Variants in CRISPLD2 observed in about 807,000 individuals in gnomAD.
CRISPLD2 encodes the protein cysteine-rich secretory protein LCCL domain-containing 2.
CRISPLD2 carries 47 observed loss-of-function variants against 71.1 expected under a neutral mutation model. That is an observed-to-expected ratio of 0.66 (90% CI 0.52 to 0.84). CRISPLD2 has a LOEUF of 0.84. Ranked by LOEUF, CRISPLD2 falls within the 40% of genes least tolerant of loss-of-function variation. The probability of loss-of-function intolerance (pLI) is 0.00; values close to 1 mark genes in which losing one functional copy is unlikely to be tolerated. For synonymous variants in CRISPLD2, 317 were observed against 250.1 expected, an observed-to-expected ratio of 1.27 and a Z score of -2.52; for missense variants, 830 against 651.1, an observed-to-expected ratio of 1.27 and a Z score of -2.99.
At chr16:84,822,759 A>G (rs1315588024) in intron 1 of CRISPLD2, among the ~76,000 whole-genome samples, 1 of 152,120 alleles carries the variant, frequency 6.6e-6, no homozygotes, top group Non-Finnish European at 1.5e-5. Flanking sequence ...TCTTAAATAG[A>G]GCACGCTGAG....
intron 14 of CRISPLD2, among the ~76,000 whole-genome samples, chr16:84,891,620 C>T (rs192383369): frequency 1.4e-5 from 2 of 144,812 alleles, no homozygotes; most frequent in Non-Finnish European, 3.0e-5. Flanking sequence ...CTCTTTGTAC[C>T]CTCTTTGAGA....
chr16:84,853,176 C>T (rs982100521), intron 5 of CRISPLD2, among the ~76,000 whole-genome samples: 46 of 152,108 alleles, frequency 3.0e-4, no homozygotes, highest in Admixed American at 8.5e-4. Context: ...TGTGGTTTGT[C>T]TGAGGAAATA....
chr16:84,890,420 G>A (rs529640705), intron 14 of CRISPLD2, among the ~76,000 whole-genome samples: 18 of 152,008 alleles, frequency 1.2e-4, no homozygotes, highest in South Asian at 2.1e-4. Context: ...TGATTACTCC[G>A]TATTTCCACT....
At chr16:84,882,371 A>AAAAAAAAAGAAAT (rs368239840) in intron 13 of CRISPLD2, among the ~76,000 whole-genome samples, 87 of 114,078 alleles carry the variant, frequency 7.6e-4, no homozygotes, top group African/African-American at 2.4e-3. Context: ...AAAAAAAAAA[A>AAAAAAAAAGAAAT]GCAAGAACTT....
intron 14 of CRISPLD2, among the ~76,000 whole-genome samples, chr16:84,902,329 G>C (rs374082298): frequency 3.9e-5 from 6 of 151,994 alleles, no homozygotes; most frequent in African/African-American, 1.4e-4. Flanking sequence ...CGATGAACAG[G>C]CCGGGCGCAG....
At chr16:84,893,615 G>A (rs919444864) in intron 14 of CRISPLD2, among the ~76,000 whole-genome samples, 2 of 152,228 alleles carry the variant, frequency 1.3e-5, no homozygotes, top group Non-Finnish European at 2.9e-5. Context: ...AATGCCAGCA[G>A]CAGGGCCCAG....
chr16:84,848,527 C>T (rs1436724524), intron 3 of CRISPLD2, among the ~76,000 whole-genome samples: 1 of 151,172 alleles, frequency 6.6e-6, no homozygotes, highest in Non-Finnish European at 1.5e-5. Context: ...GGGCATGAAG[C>T]GATGACCCCA....
chr16:84,829,625 C>G (rs753220114), intron 1 of CRISPLD2, among the ~76,000 whole-genome samples: 2 of 152,198 alleles, frequency 1.3e-5, no homozygotes, highest in Non-Finnish European at 2.9e-5. Context: ...CTGAGTGGTG[C>G]AGGGCCACAG....
chr16:84,858,762 A>T (rs113078649), intron 6 of CRISPLD2, among the ~76,000 whole-genome samples: 4 of 152,336 alleles, frequency 2.6e-5, no homozygotes, highest in African/African-American at 4.8e-5. Context: ...GCTGAAGGCA[A>T]ATTACTTCTG....
chr16:84,904,320 T>TA (rs1043022926), intron 14 of CRISPLD2, among the ~76,000 whole-genome samples: 20 of 147,718 alleles, frequency 1.4e-4, no homozygotes, highest in Non-Finnish European at 2.8e-4. Flanking sequence ...TACGGTGGCT[T>TA]ACGCCTGAAA....
chr16:84,861,465 G>T lies in CRISPLD2; in HGVS notation c.710-5432G>T, dbSNP rs554456017. Among the ~76,000 whole-genome samples, 9 of 152,152 alleles carry T rather than the reference G, an allele frequency of 5.9e-5. No individual in the cohort carries two copies. The South Asian group carries it at 1.9e-3, about 32-fold the overall frequency. On this transcript the variant is annotated intron_variant, in intron 6 of 14. Transcript: ENST00000262424. ...AAGAACTTGAAGTCTGATGTTCGAG[G>T]GCAGGAAGCATCCAGCATGGGACAA...
At chr16:84,902,533 C>T (rs897715722) in intron 14 of CRISPLD2, among the ~76,000 whole-genome samples, 1 of 151,384 alleles carries the variant, frequency 6.6e-6, no homozygotes, top group Admixed American at 6.6e-5. Context: ...TGGCATGAAC[C>T]CAGGAGGTGG....
At chr16:84,880,402 C>G (rs2071557885) in intron 12 of CRISPLD2, 107 bp from the exon 13 acceptor site, 5 of 800,818 alleles carry the variant, frequency 6.2e-6, no homozygotes, top group Admixed American at 2.3e-5. Context: ...ATGGCGGTTT[C>G]CTTTCATCTA....
chr16:84,851,490 T>G (rs78869536), intron 5 of CRISPLD2, among the ~76,000 whole-genome samples: 4,498 of 152,272 alleles, frequency 0.03, 207 homozygotes, highest in African/African-American at 0.1. Flanking sequence ...CTGAATGAAA[T>G]GGGAATGACC....
intron 14 of CRISPLD2, among the ~76,000 whole-genome samples, chr16:84,895,109 C>CA (rs34205550): frequency 0.18 from 28,111 of 152,126 alleles, 2,694 homozygotes; most frequent in South Asian, 0.24. Flanking sequence ...GCTCTGCACA[C>CA]GTTAGCACAT....
At chr16:84,863,521 C>T (rs796160220) in intron 6 of CRISPLD2, among the ~76,000 whole-genome samples, 14 of 152,320 alleles carry the variant, frequency 9.2e-5, no homozygotes, top group African/African-American at 2.2e-4. Context: ...TGATAGAAGG[C>T]GCAGGCTTTG....
intron 13 of CRISPLD2, among the ~76,000 whole-genome samples, chr16:84,883,623 G>C (rs1223004170): frequency 6.6e-6 from 1 of 152,204 alleles, no homozygotes; most frequent in African/African-American, 2.4e-5. Context: ...GATCAGTGGG[G>C]CTGGGTGGAT....
At chr16:84,827,103 C>A (rs1003827297) in intron 1 of CRISPLD2, among the ~76,000 whole-genome samples, 1 of 152,042 alleles carries the variant, frequency 6.6e-6, no homozygotes, top group East Asian at 1.9e-4. Context: ...CTGGCCGGCC[C>A]CCAGAAGCCC....
At chr16:84,832,227 A>C (rs1400900591) in intron 1 of CRISPLD2, among the ~76,000 whole-genome samples, 1 of 152,238 alleles carries the variant, frequency 6.6e-6, no homozygotes, top group Non-Finnish European at 1.5e-5. Flanking sequence ...ACTGAAGTTC[A>C]GGACCTTTTT....
Sources: gnomAD v4.1 joint callset for allele counts (sites outside exome capture counted in the v4.1 genomes callset) on GRCh38, gnomAD v4.1.1 for gene constraint, MANE v1.5 for transcripts, NCBI Gene and HGNC (gene_info 2026-07-23, HGNC 2026-07-21) for gene names.